Variants in LCLAT1 observed in about 807,000 individuals in gnomAD.
LCLAT1 encodes the protein 1-AGP acyltransferase 8.
LCLAT1 carries 11 observed loss-of-function variants against 30.7 expected under a neutral mutation model. The observed-to-expected ratio is 0.36, with a 90% CI of 0.23 to 0.59. LCLAT1 has a LOEUF of 0.59. Ranked by LOEUF, LCLAT1 falls within the 20% of genes least tolerant of loss-of-function variation. The pLI is 0.77. For missense variants in LCLAT1, 402 were observed against 458.6 expected (o/e 0.88, Z 1.13); for synonymous variants, 155 against 151.3 (o/e 1.02, Z -0.18).
intron 5 of LCLAT1, among the ~76,000 whole-genome samples, chr2:30,575,192 T>C (rs183083862): frequency 6.6e-6 from 1 of 152,224 alleles, no homozygotes; most frequent in East Asian, 1.9e-4. Context: ...GTTATTGGAG[T>C]TCCCTCTTCT....
intron 3 of LCLAT1, among the ~76,000 whole-genome samples, chr2:30,549,681 G>A (rs1047614925): frequency 3.9e-5 from 6 of 152,114 alleles, no homozygotes; most frequent in African/African-American, 1.4e-4. Context: ...TGACTTCCAT[G>A]CCTTCAGTTG....
chr2:30,503,057 C>G (rs1437505064), intron 1 of LCLAT1, among the ~76,000 whole-genome samples: 1 of 152,148 alleles, frequency 6.6e-6, no homozygotes, highest in East Asian at 1.9e-4. Context: ...AATTAAGGGG[C>G]AGGTTATTTA....
chr2:30,491,637 G>A (rs1284669605), intron 1 of LCLAT1, among the ~76,000 whole-genome samples: 1 of 152,158 alleles, frequency 6.6e-6, no homozygotes, highest in African/African-American at 2.4e-5. Context: ...GGTGGCCTTA[G>A]TACCAGCTTG....
intron 5 of LCLAT1, among the ~76,000 whole-genome samples, chr2:30,570,677 G>A (rs543445852): frequency 6.6e-6 from 1 of 152,286 alleles, no homozygotes; most frequent in African/African-American, 2.4e-5. Context: ...AGATCATTAA[G>A]CACCTTTCTA....
chr2:30,612,164 G>C lies in LCLAT1; in HGVS notation c.629-27953G>C, dbSNP rs142432243. 1.6e-3 allele frequency among the ~76,000 whole-genome samples: 248 copies of C among 152,274 alleles called. 1 individual carries two copies. The highest frequency in any genetic ancestry group is 5.6e-3 in the African/African-American group (232 of 41,562). ...TAATTAATGAAGAGGCTATATTCGG[G>C]AATGTTTAATGAAGTTTCTGTTGTT... On this transcript the variant is annotated intron_variant, in intron 5 of 5. Transcript: ENST00000379509.
At chr2:30,512,468 G>A (rs932161515) in intron 1 of LCLAT1, among the ~76,000 whole-genome samples, 1 of 152,062 alleles carries the variant, frequency 6.6e-6, no homozygotes, top group Non-Finnish European at 1.5e-5. Context: ...GAGGTCAAGG[G>A]GAAGGAAGCC....
chr2:30,609,402 G>C (rs1270016346), intron 5 of LCLAT1, among the ~76,000 whole-genome samples: 1 of 152,016 alleles, frequency 6.6e-6, no homozygotes. Flanking sequence ...TACATGTGTT[G>C]TTTGGTGTGA....
At chr2:30,595,474 A>G (rs894022160) in intron 5 of LCLAT1, among the ~76,000 whole-genome samples, 1 of 152,118 alleles carries the variant, frequency 6.6e-6, no homozygotes, top group East Asian at 1.9e-4. Context: ...CCTCCTGAAC[A>G]CATTATGGCC....
rs373087823 is a variant in LCLAT1 at position 30,535,509 on chromosome 2, C to T, written c.364+2195C>T. ...GCCACACCACAGCATCCACAAACAGCTGCAGCCTAGGCCAGTGAGGCACTC... is the reference window on the plus strand; with the variant it reads ...GCCACACCACAGCATCCACAAACAGTTGCAGCCTAGGCCAGTGAGGCACTC... On this transcript the variant is annotated intron_variant, in intron 3 of 5. Coordinates refer to ENST00000379509, the MANE Select transcript of LCLAT1 (RefSeq NM_001002257.3). 1.6e-4 allele frequency among the ~76,000 whole-genome samples: 24 copies of T among 152,318 alleles called. No homozygotes were observed. In the East Asian group the frequency reaches 2.5e-3, roughly 16 times the overall value.
At chr2:30,629,152 T>C (rs894130469) in intron 5 of LCLAT1, among the ~76,000 whole-genome samples, 4 of 152,202 alleles carry the variant, frequency 2.6e-5, no homozygotes, top group African/African-American at 9.7e-5. Context: ...AAACATTTAC[T>C]CTATATATGG....
chr2:30,474,242 G>C (rs932575659), intron 1 of LCLAT1, among the ~76,000 whole-genome samples: 1 of 152,194 alleles, frequency 6.6e-6, no homozygotes, highest in African/African-American at 2.4e-5. Context: ...AACTGAACCT[G>C]CTCCCTGACA....
chr2:30,531,332 C>T lies in LCLAT1; in HGVS notation c.166-1784C>T, dbSNP rs550075647. On this transcript the variant is annotated intron_variant, in intron 2 of 5. Coordinates refer to ENST00000379509, the MANE Select transcript of LCLAT1 (RefSeq NM_001002257.3). ...ACACCTGTAGGACTCTGCCATGATC[C>T]TTTTTACCAGGAGGTCTTCCATGTA... 2.0e-5 allele frequency among the ~76,000 whole-genome samples: 3 copies of T among 152,198 alleles called. No homozygotes were observed. The South Asian group carries it at 6.2e-4, about 32-fold the overall frequency.
At position 30,640,580 on chromosome 2, in the gene LCLAT1, A is replaced by G. The variant is rs1669254641; in HGVS notation, c.1092A>G (p.Leu364=). 1 of 1,611,558 alleles carries G rather than the reference A, an allele frequency of 6.2e-7. No individual in the cohort carries two copies. Residue 364 remains leucine, a synonymous_variant, in exon 6 of 6, where the codon TTA becomes TTG. Transcript: ENST00000379509. ...TAGAACTTGCATGTTACCGACTTTT[A>G]CACAAACAGCCACATTTAAATTCAA... The part of the protein sequence containing the change: ...EIIELACYRL[L]HKQPHLNSKK...
intron 1 of LCLAT1, among the ~76,000 whole-genome samples, chr2:30,498,998 C>T (rs1051948983): frequency 2.6e-5 from 4 of 152,156 alleles, no homozygotes; most frequent in Non-Finnish European, 5.9e-5. Flanking sequence ...TAAAAATTTT[C>T]TTAGCAGTAA....
intron 1 of LCLAT1, among the ~76,000 whole-genome samples, chr2:30,468,904 T>A (rs1267009624): frequency 6.6e-6 from 1 of 152,246 alleles, no homozygotes; most frequent in Non-Finnish European, 1.5e-5. Flanking sequence ...TCTGCATCCT[T>A]ACCAATGCTT....
intron 1 of LCLAT1, among the ~76,000 whole-genome samples, chr2:30,463,802 C>T (rs1054466615): frequency 1.3e-5 from 2 of 152,224 alleles, no homozygotes; most frequent in Non-Finnish European, 2.9e-5. Flanking sequence ...TATTAGATGA[C>T]TGTGCTTCAC....
intron 5 of LCLAT1, among the ~76,000 whole-genome samples, chr2:30,602,751 C>CATCATGACCATTTACTCTGACAGCAGG (rs1667247946): frequency 8.6e-6 from 1 of 116,890 alleles, no homozygotes; most frequent in Non-Finnish European, 2.0e-5. Context: ...AAAGTTTAAG[C>CATCATGACCATTTACTCTGACAGCAGG]ATCATGACCA....
chr2:30,553,250 A>T (rs1664760112), intron 3 of LCLAT1, among the ~76,000 whole-genome samples: 1 of 151,782 alleles, frequency 6.6e-6, no homozygotes, highest in African/African-American at 2.4e-5. Flanking sequence ...TTCTCCCCCT[A>T]GGCAACGCTA....
chr2:30,568,228 A>G, intron 5 of LCLAT1, 52 bp downstream of exon 5: 1 of 926,064 alleles, frequency 1.1e-6, no homozygotes, highest in South Asian at 1.5e-5. Context: ...AAAAATTGCT[A>G]AGCTTTATAT....
Sources: gnomAD v4.1 joint callset for allele counts (sites outside exome capture counted in the v4.1 genomes callset) on GRCh38, gnomAD v4.1.1 for gene constraint, MANE v1.5 for transcripts, NCBI Gene and HGNC (gene_info 2026-07-23, HGNC 2026-07-21) for gene names.